The following DAPP1 variants were observed in gnomAD, a reference collection of about 807,000 sequenced individuals.
The protein encoded by DAPP1 is dual adapter for phosphotyrosine and 3-phosphotyrosine and 3-phosphoinositide.
Under a neutral mutation model 41.5 loss-of-function variants are expected in DAPP1, and 20 were observed. The observed-to-expected ratio is 0.48, with a 90% CI of 0.34 to 0.70. The LOEUF is 0.70. DAPP1 is among the 30% of genes least tolerant of loss of function. The pLI is 0.01. For missense variants in DAPP1, 233 were observed against 333.4 expected (o/e 0.70, Z 2.35); for synonymous variants, 113 against 116.2 (o/e 0.97, Z 0.18).
At position 99,866,165 on chromosome 4, in the gene DAPP1, C is replaced by A. The variant is rs746515644; in HGVS notation, c.774+44C>A. ...TCAGATGTCAAGTCTTGAGAAATAA[C>A]ATGTTGATGATTTCAAACATATTTC... On this transcript the variant is annotated intron_variant, in intron 8 of 8. Transcript: ENST00000512369. 14 of 1,027,818 alleles carry A rather than the reference C, an allele frequency of 1.4e-5. No homozygotes were observed. In the South Asian group the frequency reaches 1.7e-4, roughly 13 times the overall value. The allele number at this position is 1,027,818 out of a possible 1,614,324, so 63.7% of individuals were successfully genotyped here. A position where few individuals can be genotyped will look rare whatever the true frequency, so the allele number is the denominator to read the frequency against.
downstream of DAPP1, among the ~76,000 whole-genome samples, chr4:99,872,297 C>T (rs1408270657): frequency 6.6e-6 from 1 of 152,146 alleles, no homozygotes; most frequent in South Asian, 2.1e-4. Context: ...CACACCACCA[C>T]AATAAAGCAA....
intron 2 of DAPP1, among the ~76,000 whole-genome samples, chr4:99,836,201 A>G (rs1723292556): frequency 6.6e-6 from 1 of 152,196 alleles, no homozygotes. Flanking sequence ...TTTTTCCTAT[A>G]GTGGGCTAGC....
At chr4:99,835,495 T>G in intron 1 of DAPP1, 128 bp from the exon 2 acceptor site, 1 of 1,359,392 alleles carries the variant, frequency 7.4e-7, no homozygotes, top group East Asian at 2.3e-5. Flanking sequence ...ATGTTGGGGC[T>G]GAGAGCTGGG....
chr4:99,840,084 A>T (rs887536885), intron 2 of DAPP1, among the ~76,000 whole-genome samples: 4 of 152,142 alleles, frequency 2.6e-5, no homozygotes, highest in African/African-American at 9.7e-5. Flanking sequence ...AAATAAATGA[A>T]TTAATTAATT....
chr4:99,859,506 A>G (rs749016327), intron 4 of DAPP1, among the ~76,000 whole-genome samples: 1 of 152,196 alleles, frequency 6.6e-6, no homozygotes, highest in African/African-American at 2.4e-5. Context: ...CGATTCATTC[A>G]TCGATCCATG....
At chr4:99,835,181 G>C (rs1381331209) in intron 1 of DAPP1, among the ~76,000 whole-genome samples, 1 of 151,978 alleles carries the variant, frequency 6.6e-6, no homozygotes, top group Non-Finnish European at 1.5e-5. Context: ...GCTAATTTTT[G>C]TGTTTTTAAT....
intron 2 of DAPP1, among the ~76,000 whole-genome samples, chr4:99,836,200 T>C (rs934111101): frequency 6.6e-6 from 1 of 152,192 alleles, no homozygotes; most frequent in Non-Finnish European, 1.5e-5. Context: ...ATTTTTCCTA[T>C]AGTGGGCTAG....
At chr4:99,855,113 C>A (rs1427011297) in intron 4 of DAPP1, among the ~76,000 whole-genome samples, 1 of 152,168 alleles carries the variant, frequency 6.6e-6, no homozygotes, top group Non-Finnish European at 1.5e-5. Context: ...ATAAATAGTC[C>A]AAAGGCAGAA....
chr4:99,867,998 ATTAAC>A, intron 8 of DAPP1, 114 bp from the exon 9 acceptor site: 3 of 910,144 alleles, frequency 3.3e-6, no homozygotes, highest in Non-Finnish European at 5.3e-6. Flanking sequence ...GCACATGATA[ATTAAC>A]TTAGAGTTGT....
intron 3 of DAPP1, among the ~76,000 whole-genome samples, chr4:99,840,921 T>C (rs1030532469): frequency 6.6e-6 from 1 of 152,194 alleles, no homozygotes; most frequent in Non-Finnish European, 1.5e-5. Flanking sequence ...TGGAAAAGTT[T>C]GAATTTTCCT....
At chr4:99,828,494 G>C (rs928842571) in intron 1 of DAPP1, among the ~76,000 whole-genome samples, 1 of 152,076 alleles carries the variant, frequency 6.6e-6, no homozygotes, top group Non-Finnish European at 1.5e-5. Flanking sequence ...GAACAAATGA[G>C]GTATAAAGTT....
intron 1 of DAPP1, among the ~76,000 whole-genome samples, chr4:99,817,860 T>C (rs183535752): frequency 1.1e-4 from 16 of 152,324 alleles, no homozygotes; most frequent in Non-Finnish European, 2.4e-4. Context: ...CTCTAACTCT[T>C]CATAGCAATC....
intron 5 of DAPP1, among the ~76,000 whole-genome samples, chr4:99,862,763 T>G (rs1284045279): frequency 6.6e-6 from 1 of 151,794 alleles, no homozygotes; most frequent in African/African-American, 2.4e-5. Flanking sequence ...TATAGATATT[T>G]TGAAACTTTT....
intron 1 of DAPP1, among the ~76,000 whole-genome samples, chr4:99,830,031 G>A (rs1473926098): frequency 6.6e-6 from 1 of 152,078 alleles, no homozygotes. Flanking sequence ...TAAGCTTCAA[G>A]ACCATTGAAA....
chr4:99,866,766 A>ATTTTTTTTTTTTTTTTTT (rs11315402), intron 8 of DAPP1: 3 of 343,156 alleles, frequency 8.7e-6, no homozygotes, highest in Non-Finnish European at 1.5e-5. Context: ...CTTTTTTTCT[A>ATTTTTTTTTTTTTTTTTT]TTTTTTTTTT....
intron 1 of DAPP1, among the ~76,000 whole-genome samples, chr4:99,826,737 T>A (rs1722951117): frequency 6.6e-6 from 1 of 152,216 alleles, no homozygotes; most frequent in African/African-American, 2.4e-5. Flanking sequence ...TGCCTTTGCT[T>A]ATGTCATTTC....
intron 3 of DAPP1, among the ~76,000 whole-genome samples, chr4:99,846,962 T>C (rs968267670): frequency 2.6e-5 from 4 of 152,142 alleles, no homozygotes; most frequent in African/African-American, 9.7e-5. Context: ...CCCCAAGAAA[T>C]CTACTTCTCA....
chr4:99,858,700 C>CT (rs1348417927), intron 4 of DAPP1, among the ~76,000 whole-genome samples: 1 of 152,034 alleles, frequency 6.6e-6, no homozygotes, highest in Non-Finnish European at 1.5e-5. Flanking sequence ...TTTCTTATTC[C>CT]TTTTTACATT....
intron 1 of DAPP1, among the ~76,000 whole-genome samples, chr4:99,821,667 A>G (rs373308826): frequency 2.0e-5 from 3 of 152,368 alleles, no homozygotes; most frequent in African/African-American, 7.2e-5. Context: ...GTTTTGCTCC[A>G]GAGCCTTCAT....
Sources: gnomAD v4.1 joint callset for allele counts (sites outside exome capture counted in the v4.1 genomes callset) on GRCh38, gnomAD v4.1.1 for gene constraint, MANE v1.5 for transcripts, NCBI Gene and HGNC (gene_info 2026-07-23, HGNC 2026-07-21) for gene names.